Variants in MASP2 observed in about 807,000 individuals in gnomAD.
MASP2 encodes the protein MBL associated serine protease 2.
MASP2 carries 49 observed loss-of-function variants against 57.1 expected under a neutral mutation model. The observed-to-expected ratio is 0.86, with a 90% CI of 0.68 to 1.09. The LOEUF is 1.09. Ranked by LOEUF, MASP2 falls within the 50% of genes least tolerant of loss-of-function variation. The pLI, the probability that MASP2 is intolerant of heterozygous loss-of-function variation, is 0.00. For missense variants in MASP2, 900 were observed against 874.8 expected, an observed-to-expected ratio of 1.03 and a Z score of -0.36; for synonymous variants, 379 against 340.8, an observed-to-expected ratio of 1.11 and a Z score of -1.24.
intron 8 of MASP2, among the ~76,000 whole-genome samples, chr1:11,032,495 C>T (rs964161871): frequency 1.3e-5 from 2 of 151,758 alleles, no homozygotes; most frequent in African/African-American, 2.4e-5. Context: ...CCTGTAATCC[C>T]GGCTACTGGG....
At chr1:11,028,336 A>G (rs527413238) in intron 10 of MASP2, among the ~76,000 whole-genome samples, 7 of 152,322 alleles carry the variant, frequency 4.6e-5, no homozygotes, top group African/African-American at 7.2e-5. Context: ...CTGTTTTCCT[A>G]CTTGTAAAAT....
Position 11,030,862 on chromosome 1 carries a change from CAGG to C in MASP2, c.1105_1107del (p.Pro369del). 1 of 1,613,208 alleles carries C rather than the reference CAGG, an allele frequency of 6.2e-7. No homozygotes were observed. The highest frequency in any genetic ancestry group is 8.5e-7 in the Non-Finnish European group (1 of 1,179,712). On this transcript the variant is annotated inframe_deletion, in exon 9 of 11. Transcript: ENST00000400897. ...TCCACTCGGCCACTGGGTAGATCAT[CAGG>C]AGGGCCACAGTCAACAACTAAGAAA...
chr1:11,031,486 A>G (rs1643844359), intron 8 of MASP2, among the ~76,000 whole-genome samples: 1 of 132,970 alleles, frequency 7.5e-6, no homozygotes. Flanking sequence ...CCAAGATGGC[A>G]CCACTTCACT....
At chr1:11,040,623 T>A (rs1264314697) in intron 6 of MASP2, among the ~76,000 whole-genome samples, 2 of 149,350 alleles carry the variant, frequency 1.3e-5, no homozygotes, top group Non-Finnish European at 3.0e-5. Context: ...AAAGGATGGA[T>A]GGATGGGTAT....
At chr1:11,027,727 G>T in intron 10 of MASP2, 79 bp from the exon 11 acceptor site, 1 of 1,462,424 alleles carries the variant, frequency 6.8e-7, no homozygotes, top group Non-Finnish European at 9.2e-7. Context: ...CCGCCTTGAA[G>T]TATATATTTG....
In MASP2 at chr1:11,027,328, TATTCA is replaced by T; in HGVS notation, c.1613_1617del (p.Leu538Ter). The T allele has an allele frequency of 1.2e-6, 2 of 1,614,108 alleles. No homozygotes were observed. The highest frequency in any genetic ancestry group is 1.7e-6 in the Non-Finnish European group (2 of 1,179,978). ...ATGTTGCTATTGATTACAACTTTGTTATTCAATTTAATCAGTGCTATGTCATTGTC... is the reference window on the plus strand; with the variant it reads ...ATGTTGCTATTGATTACAACTTTGTTATTTAATCAGTGCTATGTCATTGTC... On this transcript the variant is annotated frameshift_variant, in exon 11 of 11. Transcript: ENST00000400897. LOFTEE classifies it low-confidence loss of function (END_TRUNC).
intron 10 of MASP2, chr1:11,029,757 G>C (rs1191867141): frequency 6.8e-6 from 1 of 147,652 alleles, no homozygotes; most frequent in Non-Finnish European, 1.4e-5. Flanking sequence ...TTCTGCCTCA[G>C]CCGCTCGAGT....
chr1:11,029,263 G>A (rs1480335717), intron 10 of MASP2, among the ~76,000 whole-genome samples: 1 of 151,666 alleles, frequency 6.6e-6, no homozygotes, highest in East Asian at 1.9e-4. Flanking sequence ...GCCTCCCAAA[G>A]TGCTGGGATT....
At chr1:11,041,010 G>GGTGGATGGGTAGATGAATAT (rs1310344235) in intron 6 of MASP2, among the ~76,000 whole-genome samples, 17 of 151,402 alleles carry the variant, frequency 1.1e-4, no homozygotes, top group African/African-American at 3.9e-4. Flanking sequence ...CAGAAGGATG[G>GGTGGATGGGTAGATGAATAT]GTGGATGGGT....
intron 9 of MASP2, 70 bp from the exon 10 acceptor site, chr1:11,030,320 C>A: frequency 9.2e-7 from 1 of 1,085,926 alleles, no homozygotes; most frequent in South Asian, 1.3e-5. Flanking sequence ...CTTGAATACC[C>A]CCTTGAAAAA....
At chr1:11,035,247 G>T (rs1473824807) in intron 7 of MASP2, among the ~76,000 whole-genome samples, 1 of 152,098 alleles carries the variant, frequency 6.6e-6, no homozygotes, top group Admixed American at 6.5e-5. Context: ...ATCTCAGCCA[G>T]GTGCGGTGGC....
chr1:11,045,284 G>A (rs1337422446), intron 4 of MASP2, 124 bp downstream of exon 4: 1 of 1,428,272 alleles, frequency 7.0e-7, no homozygotes, highest in Admixed American at 1.7e-5. Context: ...GAGGCAGCAG[G>A]GCCTAGAAGC....
intron 4 of MASP2, 53 bp from the exon 5 acceptor site, chr1:11,043,588 G>A (rs577897621): frequency 3.4e-5 from 42 of 1,242,022 alleles, no homozygotes; most frequent in Middle Eastern, 2.7e-4. Flanking sequence ...ATCAGCCCTC[G>A]CACCAACAGC....
chr1:11,042,817 C>T, intron 6 of MASP2, 58 bp downstream of exon 6: 1 of 1,591,582 alleles, frequency 6.3e-7, no homozygotes, highest in East Asian at 2.2e-5. Context: ...CTCCTTGACA[C>T]TCCAGGAGAG....
At chr1:11,046,509 C>T (rs1406483352) in intron 3 of MASP2, 47 bp downstream of exon 3, 1 of 1,608,238 alleles carries the variant, frequency 6.2e-7, no homozygotes, top group Admixed American at 1.7e-5. Context: ...GTTACCCCCA[C>T]AGCCAGCTGC....
intron 6 of MASP2, among the ~76,000 whole-genome samples, chr1:11,038,220 C>T (rs953881030): frequency 2.6e-5 from 4 of 152,158 alleles, no homozygotes; most frequent in African/African-American, 9.7e-5. Flanking sequence ...TCCATTTCCC[C>T]ATGGTTATGT....
At position 11,030,529 on chromosome 1, in the gene MASP2, T is replaced by C. The variant is rs141236318; in HGVS notation, c.1222+219A>G. 8.6e-6 allele frequency: 5 copies of C among 580,736 alleles called. No individual in the cohort carries two copies. In the East Asian group the frequency reaches 1.2e-4, roughly 14 times the overall value. The allele number at this position is 580,736 out of a possible 1,614,324, so 36.0% of individuals were successfully genotyped here. ...GTTAAATTAAACCATTTGGAATACATTGTGTGTTTGTAGTAGTCATTTACT... is the reference window on the plus strand; with the variant it reads ...GTTAAATTAAACCATTTGGAATACACTGTGTGTTTGTAGTAGTCATTTACT... On this transcript the variant is annotated intron_variant, in intron 9 of 10. Transcript: ENST00000400897.
Position 11,027,260 on chromosome 1 carries a change from CAT to C in MASP2, c.1684_1685del (p.Met562GlufsTer4), listed in dbSNP as rs765848004. On this transcript the variant is annotated frameshift_variant, in exon 11 of 11. Coordinates refer to ENST00000400897, the MANE Select transcript of MASP2 (RefSeq NM_006610.4). LOFTEE classifies it low-confidence loss of function (END_TRUNC). Reference protein sequence around the residue: ...CLPRKEAESFMRTDDIGTASG... With the variant: ...CLPRKEAESFXRTDDIGTASG... Reference sequence around the variant, plus strand: ...ATGCAGTTCCAATGTCATCTGTCCTCATAAAGGATTCAGCTTCTTTTCTTGGC... The same window carrying C: ...ATGCAGTTCCAATGTCATCTGTCCTCAAAGGATTCAGCTTCTTTTCTTGGC... The C allele has an allele frequency of 2.5e-6, 4 of 1,614,138 alleles. No homozygotes were observed. The highest frequency in any genetic ancestry group is 3.4e-6 in the Non-Finnish European group (4 of 1,180,010).
intron 8 of MASP2, among the ~76,000 whole-genome samples, chr1:11,032,584 C>T (rs2100879748): frequency 6.8e-6 from 1 of 147,560 alleles, no homozygotes; most frequent in South Asian, 2.1e-4. Context: ...GCACTCCAGC[C>T]TGGGTGACAG....
Sources: gnomAD v4.1 joint callset for allele counts (sites outside exome capture counted in the v4.1 genomes callset) on GRCh38, gnomAD v4.1.1 for gene constraint, MANE v1.5 for transcripts, NCBI Gene and HGNC (gene_info 2026-07-23, HGNC 2026-07-21) for gene names.